The following SMARCC1 variants were observed in gnomAD, a reference collection of about 807,000 sequenced individuals.
The protein encoded by SMARCC1 is SWI/SNF related BAF chromatin remodeling complex subunit C1.
A neutral mutation model predicts 147.4 loss-of-function variants in SMARCC1; 43 were observed. That is an observed-to-expected ratio of 0.29 (90% CI 0.23 to 0.38). SMARCC1 has a LOEUF of 0.38. Ranked by LOEUF, SMARCC1 falls within the 10% of genes least tolerant of loss-of-function variation. SMARCC1 has a pLI of 1.00. For missense variants in SMARCC1, 1,119 were observed against 1,381.1 expected, an observed-to-expected ratio of 0.81 and a Z score of 3.01; for synonymous variants, 495 against 484.4, an observed-to-expected ratio of 1.02 and a Z score of -0.29.
intron 2 of SMARCC1, among the ~76,000 whole-genome samples, chr3:47,770,330 C>A (rs1299715587): frequency 1.3e-5 from 2 of 150,834 alleles, no homozygotes; most frequent in African/African-American, 4.9e-5. Flanking sequence ...GAGTTCAAGA[C>A]CAGCCTGGGA....
intron 1 of SMARCC1, among the ~76,000 whole-genome samples, chr3:47,780,593 A>G (rs2106886528): frequency 6.6e-6 from 1 of 152,326 alleles, no homozygotes. Flanking sequence ...GTTTTCATTC[A>G]TTCAACAAAT....
At chr3:47,664,200 C>T (rs1385975485) in intron 19 of SMARCC1, among the ~76,000 whole-genome samples, 3 of 150,738 alleles carry the variant, frequency 2.0e-5, no homozygotes, top group Non-Finnish European at 4.4e-5. Context: ...AAAAAAGACC[C>T]TGTCTTAAAT....
At chr3:47,688,917 G>T (rs2033760707) in intron 13 of SMARCC1, among the ~76,000 whole-genome samples, 1 of 152,164 alleles carries the variant, frequency 6.6e-6, no homozygotes, top group African/African-American at 2.4e-5. Context: ...GTCCAAGAAA[G>T]TCAAGTATTT....
At chr3:47,733,266 G>A (rs1377243300) in intron 5 of SMARCC1, among the ~76,000 whole-genome samples, 1 of 152,060 alleles carries the variant, frequency 6.6e-6, no homozygotes, top group Admixed American at 6.6e-5. Flanking sequence ...TTTAAAAAAA[G>A]GAGCAGGGCG....
chr3:47,732,233 C>G (rs1009172450), intron 5 of SMARCC1, among the ~76,000 whole-genome samples: 2 of 152,086 alleles, frequency 1.3e-5, no homozygotes, highest in African/African-American at 4.8e-5. Context: ...GCTTCCTCAC[C>G]TCTCTCTCTC....
intron 7 of SMARCC1, among the ~76,000 whole-genome samples, chr3:47,716,770 C>T (rs2034161019): frequency 6.6e-6 from 1 of 152,198 alleles, no homozygotes; most frequent in Admixed American, 6.6e-5. Flanking sequence ...GGACTACTGA[C>T]TTGAAGCCTT....
chr3:47,680,294 C>T, intron 15 of SMARCC1, 143 bp downstream of exon 15: 1 of 676,700 alleles, frequency 1.5e-6, no homozygotes, highest in Non-Finnish European at 2.6e-6. Flanking sequence ...CCATGGAATG[C>T]TATGCAAATG....
At position 47,676,734 on chromosome 3, in the gene SMARCC1, G is replaced by T; in HGVS notation, c.1620C>A (p.Asp540Glu). The T allele has an allele frequency of 6.2e-7, 1 of 1,613,648 alleles. No individual in the cohort carries two copies. Among genetic ancestry groups the T allele is most frequent in the Non-Finnish European group, 8.5e-7 (1 of 1,179,850 alleles). ...CCATTGCCATGGGTCTACTTTCCGG[G>T]TCAACTTGGTAATTAACGAGTCCCC... ...EQWGLVNYQV[D>E]PESRPMAMGP... is the part of the protein sequence containing the mutation. Residue 540 changes from aspartate to glutamate, a missense_variant, in exon 17 of 28, where the codon GAC (aspartate) becomes GAA (glutamate). Physicochemically the swap from Asp to Glu is conservative, Grantham distance 45 (BLOSUM62 2). Around this residue, in one of 6 missense-constraint regions of SMARCC1, gnomAD observed 178 missense variants for 264.6 expected, o/e 0.67. Coordinates refer to ENST00000254480, the MANE Select transcript of SMARCC1 (RefSeq NM_003074.4).
intron 19 of SMARCC1, among the ~76,000 whole-genome samples, chr3:47,664,135 A>G (rs574931106): frequency 1.3e-5 from 2 of 150,104 alleles, no homozygotes; most frequent in South Asian, 4.3e-4. Context: ...ACATACTTCT[A>G]TTTGTGCCAC....
chr3:47,776,080 G>A (rs1419652294), intron 1 of SMARCC1, among the ~76,000 whole-genome samples: 1 of 151,520 alleles, frequency 6.6e-6, no homozygotes, highest in African/African-American at 2.4e-5. Context: ...TCCGGGAGGC[G>A]GAGGTTGCAG....
At chr3:47,697,214 G>C (rs570904345) in intron 11 of SMARCC1, among the ~76,000 whole-genome samples, 7 of 152,184 alleles carry the variant, frequency 4.6e-5, no homozygotes, top group African/African-American at 1.7e-4. Context: ...GCTGAAACGA[G>C]AGGCTGAGGT....
chr3:47,777,092 T>A (rs373419442), intron 1 of SMARCC1, among the ~76,000 whole-genome samples: 20 of 149,822 alleles, frequency 1.3e-4, no homozygotes, highest in African/African-American at 2.5e-4. Context: ...ATATTTATTT[T>A]TTTTTTTTTG....
At chr3:47,779,087 G>C (rs941951370) in intron 1 of SMARCC1, among the ~76,000 whole-genome samples, 1 of 151,568 alleles carries the variant, frequency 6.6e-6, no homozygotes, top group African/African-American at 2.4e-5. Context: ...AGGACTTTAA[G>C]TGAGTTATAC....
chr3:47,648,202 G>A (rs1285234988), intron 21 of SMARCC1, among the ~76,000 whole-genome samples: 2 of 151,866 alleles, frequency 1.3e-5, no homozygotes, highest in East Asian at 3.9e-4. Context: ...ACCATGTTGT[G>A]CAGGCTGGTC....
At chr3:47,774,236 CTTT>C (rs35831016) in intron 1 of SMARCC1, among the ~76,000 whole-genome samples, 18 of 113,378 alleles carry the variant, frequency 1.6e-4, no homozygotes, top group East Asian at 2.5e-4. Context: ...CAATCATTTA[CTTT>C]TTTTTTTTTT....
At chr3:47,749,394 C>T (rs1236393779) in intron 2 of SMARCC1, among the ~76,000 whole-genome samples, 1 of 150,450 alleles carries the variant, frequency 6.6e-6, no homozygotes, top group Non-Finnish European at 1.5e-5. Context: ...GGCACAGTGG[C>T]TCACGCCTAT....
At position 47,699,595 on chromosome 3, in the gene SMARCC1, CAT is replaced by C. The variant is rs141039163; in HGVS notation, c.1165+1681_1165+1682del. Among the ~76,000 whole-genome samples, 3 of 151,948 alleles carry C rather than the reference CAT, an allele frequency of 2.0e-5. No individual in the cohort carries two copies. The East Asian group carries it at 5.8e-4, about 29-fold the overall frequency. ...ATGTATATTGCCCTATATGTCTATA[CAT>C]ATGTATATTGCTCTATATGTCTATA... is the stretch of plus-strand genomic sequence containing the variant. On this transcript the variant is annotated intron_variant, in intron 11 of 27. Coordinates refer to ENST00000254480, the MANE Select transcript of SMARCC1 (RefSeq NM_003074.4).
chr3:47,777,856 T>C (rs1195766327), intron 1 of SMARCC1, among the ~76,000 whole-genome samples: 2 of 151,788 alleles, frequency 1.3e-5, no homozygotes, highest in Non-Finnish European at 2.9e-5. Flanking sequence ...AACTATAAAA[T>C]ATTTAATTCT....
chr3:47,750,435 AAAATAAAT>A (rs565957715), intron 2 of SMARCC1, among the ~76,000 whole-genome samples: 336 of 152,170 alleles, frequency 2.2e-3, no homozygotes, highest in Non-Finnish European at 3.6e-3. Flanking sequence ...CTCCATCTCA[AAAATAAAT>A]AAATAAATAA....
Sources: allele counts gnomAD v4.1 joint callset (sites outside exome capture counted in the v4.1 genomes callset), GRCh38; gene constraint gnomAD v4.1.1; regional missense constraint gnomAD v4.1.1; transcripts MANE v1.5; gene names NCBI Gene and HGNC (gene_info 2026-07-23, HGNC 2026-07-21).